AOAH: variants seen among roughly 807,000 people sequenced by gnomAD.
AOAH encodes acyloxyacyl hydrolase.
In AOAH, 64 loss-of-function variants were observed where a neutral mutation model predicts 92.2. That is an observed-to-expected ratio of 0.69 (90% CI 0.57 to 0.86). The LOEUF is 0.86. AOAH is among the 40% of genes least tolerant of loss of function. The pLI is 0.00. For missense variants in AOAH, 656 were observed against 694.6 expected, an observed-to-expected ratio of 0.94 and a Z score of 0.62; for synonymous variants, 263 against 254.5, an observed-to-expected ratio of 1.03 and a Z score of -0.32.
intron 6 of AOAH, among the ~76,000 whole-genome samples, chr7:36,628,160 C>A (rs1792812879): frequency 6.6e-6 from 1 of 151,344 alleles, no homozygotes. Context: ...AAGGAGGAGG[C>A]TAAAAAGGAA....
intron 4 of AOAH, among the ~76,000 whole-genome samples, chr7:36,654,092 G>A (rs184077951): frequency 4.3e-4 from 54 of 124,568 alleles, no homozygotes; most frequent in African/African-American, 1.3e-3. Context: ...TCAAGGGAGA[G>A]CCAGTCACGT....
At chr7:36,554,793 A>C (rs542600589) in intron 13 of AOAH, among the ~76,000 whole-genome samples, 1 of 150,820 alleles carries the variant, frequency 6.6e-6, no homozygotes, top group Non-Finnish European at 1.5e-5. Flanking sequence ...TTTGTCTGTT[A>C]TTGGTGTATA....
At chr7:36,706,490 T>C (rs1319117744) in intron 1 of AOAH, among the ~76,000 whole-genome samples, 1 of 152,152 alleles carries the variant, frequency 6.6e-6, no homozygotes, top group Non-Finnish European at 1.5e-5. Context: ...CCTAGGATTT[T>C]CATTATGGTA....
intron 1 of AOAH, among the ~76,000 whole-genome samples, chr7:36,703,381 T>G (rs775378064): frequency 6.6e-6 from 1 of 152,158 alleles, no homozygotes; most frequent in Non-Finnish European, 1.5e-5. Flanking sequence ...TATAACTTTA[T>G]GTAATGTATT....
At chr7:36,541,276 T>C (rs1054971540) in intron 15 of AOAH, among the ~76,000 whole-genome samples, 2 of 152,182 alleles carry the variant, frequency 1.3e-5, no homozygotes, top group African/African-American at 2.4e-5. Flanking sequence ...TTGTGCTCTA[T>C]AGAGGGTATT....
chr7:36,675,427 A>G (rs1025624636), intron 2 of AOAH, among the ~76,000 whole-genome samples: 3 of 152,226 alleles, frequency 2.0e-5, no homozygotes, highest in Non-Finnish European at 4.4e-5. Flanking sequence ...AAAGACACAT[A>G]ATGCCCAAAT....
At chr7:36,649,469 G>T (rs1422142119) in intron 4 of AOAH, among the ~76,000 whole-genome samples, 1 of 152,164 alleles carries the variant, frequency 6.6e-6, no homozygotes, top group Non-Finnish European at 1.5e-5. Flanking sequence ...TTTTAAACAT[G>T]GCGCTTGCAA....
At chr7:36,518,315 T>C (rs561537999) in intron 20 of AOAH, among the ~76,000 whole-genome samples, 9 of 152,176 alleles carry the variant, frequency 5.9e-5, no homozygotes, top group Non-Finnish European at 1.3e-4. Flanking sequence ...GTTCAAGCAA[T>C]TCTCCTGTCA....
chr7:36,535,111 T>C (rs1175695738), intron 16 of AOAH, among the ~76,000 whole-genome samples: 1 of 151,228 alleles, frequency 6.6e-6, no homozygotes, highest in Admixed American at 6.6e-5. Context: ...TGTGTGTCTG[T>C]GTCTGTGTGT....
chr7:36,621,677 T>G, intron 8 of AOAH, 33 bp downstream of exon 8: 1 of 1,607,268 alleles, frequency 6.2e-7, no homozygotes, highest in Non-Finnish European at 8.5e-7. Flanking sequence ...CTGAAGATAA[T>G]TTTAAAAATC....
intron 3 of AOAH, among the ~76,000 whole-genome samples, chr7:36,667,157 G>A (rs1795595869): frequency 6.6e-6 from 1 of 151,990 alleles, no homozygotes; most frequent in Non-Finnish European, 1.5e-5. Context: ...AGTTATTTGT[G>A]GTCAACTGTA....
At chr7:36,528,361 C>A (rs1365446510) in intron 19 of AOAH, among the ~76,000 whole-genome samples, 1 of 152,138 alleles carries the variant, frequency 6.6e-6, no homozygotes, top group African/African-American at 2.4e-5. Flanking sequence ...GCTGTGAGGA[C>A]AAGAAAGGGC....
rs1159580098 is a variant in AOAH, at chr7:36,709,090, C to G, written c.127+14932G>C. On this transcript the variant is annotated intron_variant, in intron 1 of 20. Transcript: ENST00000617537. Reference sequence around the variant, plus strand: ...ATGTAGAGAGCTTATCTCAGCCCTTCCATGATGCTCTTCTCCAGATTATTT... The same window carrying G: ...ATGTAGAGAGCTTATCTCAGCCCTTGCATGATGCTCTTCTCCAGATTATTT... 3.3e-5 allele frequency among the ~76,000 whole-genome samples: 5 copies of G among 152,124 alleles called. No individual in the cohort carries two copies. In the East Asian group the frequency reaches 9.6e-4, roughly 29 times the overall value.
chr7:36,659,531 G>T (rs879500526), intron 3 of AOAH, among the ~76,000 whole-genome samples: 1 of 152,186 alleles, frequency 6.6e-6, no homozygotes, highest in Non-Finnish European at 1.5e-5. Flanking sequence ...TCACGCGAGT[G>T]CTGGGATTCT....
At chr7:36,517,945 CCA>C (rs1292173983) in intron 20 of AOAH, among the ~76,000 whole-genome samples, 3 of 11,524 alleles carry the variant, frequency 2.6e-4, no homozygotes, top group East Asian at 5.0e-3. Context: ...ACACACACAC[CCA>C]CACACACACA....
chr7:36,534,415 T>G (rs1447695625), intron 16 of AOAH, among the ~76,000 whole-genome samples: 1 of 152,230 alleles, frequency 6.6e-6, no homozygotes, highest in Non-Finnish European at 1.5e-5. Context: ...GAGGGCACAT[T>G]AGGTGCATTT....
intron 1 of AOAH, among the ~76,000 whole-genome samples, chr7:36,711,822 C>T (rs1431779562): frequency 6.6e-6 from 1 of 152,076 alleles, no homozygotes; most frequent in Non-Finnish European, 1.5e-5. Context: ...ACCATGAACC[C>T]CACCAACCCT....
intron 19 of AOAH, among the ~76,000 whole-genome samples, chr7:36,524,198 AAAAG>A (rs1784263413): frequency 6.6e-6 from 1 of 152,118 alleles, no homozygotes; most frequent in African/African-American, 2.4e-5. Flanking sequence ...CAGAAGAAAG[AAAAG>A]AAAGAATGAA....
At chr7:36,523,888 G>C (rs922374304) in intron 19 of AOAH, among the ~76,000 whole-genome samples, 5 of 152,040 alleles carry the variant, frequency 3.3e-5, no homozygotes, top group African/African-American at 4.8e-5. Context: ...CAAATGCAGA[G>C]AGCCAGGATC....
Sources: gnomAD v4.1 joint callset for allele counts (sites outside exome capture counted in the v4.1 genomes callset) on GRCh38, gnomAD v4.1.1 for gene constraint, MANE v1.5 for transcripts, NCBI Gene and HGNC (gene_info 2026-07-23, HGNC 2026-07-21) for gene names.